The following WDR20 variants were observed in gnomAD, a reference collection of about 807,000 sequenced individuals.
The protein encoded by WDR20 is WD repeat-containing protein 20.
In WDR20, 3 loss-of-function variants were observed where a neutral mutation model predicts 38.7. The observed-to-expected ratio is 0.08, with a 90% confidence interval of 0.04 to 0.20. The LOEUF (loss-of-function observed/expected upper bound fraction) is 0.20, where lower values mean the gene tolerates loss of function less well. WDR20 is among the 10% of genes least tolerant of loss of function. The pLI is 1.00. For synonymous variants in WDR20, 298 were observed against 285.6 expected (o/e 1.04, Z -0.44); for missense variants, 559 against 727.7 (o/e 0.77, Z 2.67).
At chr14:102,178,091 T>G (rs2062553419) in intron 1 of WDR20, among the ~76,000 whole-genome samples, 1 of 152,192 alleles carries the variant, frequency 6.6e-6, no homozygotes, top group Non-Finnish European at 1.5e-5. Flanking sequence ...TCTGTATATA[T>G]GGGGTTGAAT....
At position 102,209,675 on chromosome 14, in the gene WDR20, A is replaced by G. The variant is rs1409667892; in HGVS notation, c.1505A>G (p.Lys502Arg). ...SDKLNLVTKT[K>R]TDPAKTLGTP... ...AAACTGAATCTAGTTACCAAAACCA[A>G]AACGGACCCTGCTAAAACTCTGGGA... The change falls in exon 3 of 3, where the codon AAA (lysine) becomes AGA (arginine). Residue 502 changes from lysine (K) to arginine (R), a missense_variant. Coordinates refer to ENST00000342702, the MANE Select transcript of WDR20 (RefSeq NM_144574.4). This position sits in a 1 kb window ranked among gnomAD's most constrained non-coding sequence, Gnocchi z 6.0. 6.2e-7 allele frequency: 1 copy of G among 1,614,146 alleles called. No individual in the cohort carries two copies. Among genetic ancestry groups the G allele is most frequent in the South Asian group, 1.1e-5 (1 of 91,072 alleles).
chr14:102,157,764 G>A (rs2057755674), intron 1 of WDR20, among the ~76,000 whole-genome samples: 1 of 152,166 alleles, frequency 6.6e-6, no homozygotes, highest in Admixed American at 6.5e-5. Context: ...CCTTCTGGGA[G>A]TGTGAGCTGC....
intron 1 of WDR20, among the ~76,000 whole-genome samples, chr14:102,141,099 T>A (rs943042300): frequency 1.3e-5 from 2 of 152,254 alleles, no homozygotes; most frequent in African/African-American, 4.8e-5. Flanking sequence ...TTTTCTTTCA[T>A]TGGCTATGTA....
downstream of WDR20, among the ~76,000 whole-genome samples, chr14:102,210,743 G>A (rs1231415738): frequency 6.6e-6 from 1 of 151,652 alleles, no homozygotes; most frequent in Admixed American, 6.6e-5. Flanking sequence ...CGGGGGCGGG[G>A]AGGTGCGGTG....
At position 102,142,610 on chromosome 14, in the gene WDR20, T is replaced by C. The variant is rs567234151; in HGVS notation, c.249+2438T>C. On this transcript the variant is annotated intron_variant, in intron 1 of 2. Transcript: ENST00000342702. The stretch of plus-strand genomic sequence containing the variant: ...CTGGAACTACAGGTGTGCACCACCC[T>C]GGCTAATTAAAAAAAAAAATGTTTT... Among the ~76,000 whole-genome samples, 15 of 151,696 alleles carry C rather than the reference T, an allele frequency of 9.9e-5. 1 individual carries two copies. Among genetic ancestry groups the C allele is most frequent in the Non-Finnish European group, 2.1e-4 (14 of 67,918 alleles).
intron 2 of WDR20, among the ~76,000 whole-genome samples, chr14:102,203,414 C>T (rs2060875535): frequency 6.6e-6 from 1 of 152,026 alleles, no homozygotes; most frequent in South Asian, 2.1e-4. Flanking sequence ...TGTGTGTTTA[C>T]ACTGACAGCA....
intron 2 of WDR20, among the ~76,000 whole-genome samples, chr14:102,203,793 A>G (rs1308102843): frequency 1.3e-5 from 2 of 152,110 alleles, no homozygotes; most frequent in Non-Finnish European, 2.9e-5. Context: ...AGGGAATTCC[A>G]TTACTTATCA....
chr14:102,186,520 T>A (rs1370721551), intron 1 of WDR20, among the ~76,000 whole-genome samples: 2 of 152,128 alleles, frequency 1.3e-5, no homozygotes, highest in African/African-American at 2.4e-5. Flanking sequence ...TCTCTTTTCA[T>A]CTTCAGTGCC....
intron 1 of WDR20, among the ~76,000 whole-genome samples, chr14:102,168,664 A>G (rs1239837750): frequency 6.6e-6 from 1 of 152,192 alleles, no homozygotes; most frequent in Non-Finnish European, 1.5e-5. Context: ...TTAAAAAATG[A>G]GCCCATTAGA....
At chr14:102,202,966 C>T (rs2060781689) in intron 2 of WDR20, among the ~76,000 whole-genome samples, 1 of 152,198 alleles carries the variant, frequency 6.6e-6, no homozygotes, top group Non-Finnish European at 1.5e-5. Context: ...GGTCTTTACA[C>T]ACCCCCGCTT....
In WDR20 at chr14:102,195,053, T is replaced by A; in HGVS notation, c.365T>A (p.Phe122Tyr). Residue 122 changes from phenylalanine to tyrosine, a missense_variant, in exon 2 of 3, where the codon TTT (phenylalanine) becomes TAT (tyrosine). Physicochemically the swap from Phe to Tyr is conservative, Grantham distance 22 (BLOSUM62 3). Transcript: ENST00000342702. ...GAAAGTGTCTCTCTCCTAGTGGGCT[T>A]TTCCGCAGGCCAAGTCCAGCTTATA... ...TAESVSLLVG[F>Y]SAGQVQLIDP... The A allele has an allele frequency of 1.2e-6, 2 of 1,614,214 alleles. No individual in the cohort carries two copies. Among genetic ancestry groups the A allele is most frequent in the South Asian group, 2.2e-5 (2 of 91,080 alleles).
chr14:102,181,666 CT>C (rs2063408804), intron 1 of WDR20, among the ~76,000 whole-genome samples: 1 of 151,952 alleles, frequency 6.6e-6, no homozygotes, highest in Non-Finnish European at 1.5e-5. Context: ...TTGGGAATAG[CT>C]TTATATTTAA....
In WDR20 at chr14:102,208,190, C is replaced by G. The variant is rs1596998885; in HGVS notation, c.433-413C>G. ...GAGCCCTCCTGGCTGTGAGGACTCA[C>G]AGGCTTCACCTGCAGGTCCTCGTAG... On this transcript the variant is annotated intron_variant, in intron 2 of 2. Coordinates refer to ENST00000342702, the MANE Select transcript of WDR20 (RefSeq NM_144574.4). The surrounding 1 kb of genome is among the most constrained non-coding windows in gnomAD (Gnocchi z 5.6). 5.9e-5 allele frequency among the ~76,000 whole-genome samples: 9 copies of G among 152,362 alleles called. No homozygotes were observed. The South Asian group carries it at 1.9e-3, about 32-fold the overall frequency.
At chr14:102,190,464 G>C (rs1316360055) in intron 1 of WDR20, among the ~76,000 whole-genome samples, 1 of 149,350 alleles carries the variant, frequency 6.7e-6, no homozygotes, top group African/African-American at 2.5e-5. Flanking sequence ...GTGGTGGCAG[G>C]CGCCTTTAAT....
rs529425854 is a variant in WDR20, at chr14:102,188,949, T to C, written c.250-5989T>C. Among the ~76,000 whole-genome samples, 8 of 150,102 alleles carry C rather than the reference T, an allele frequency of 5.3e-5. No homozygotes were observed. The South Asian group carries it at 1.7e-3, about 32-fold the overall frequency. On this transcript the variant is annotated intron_variant, in intron 1 of 2. Coordinates refer to ENST00000342702, the MANE Select transcript of WDR20 (RefSeq NM_144574.4). ...AAGGAAGGCCAGGTATGATGGCTCATGCCTGTAATCCCACCACTTTGGGAG... is the reference window on the plus strand; with the variant it reads ...AAGGAAGGCCAGGTATGATGGCTCACGCCTGTAATCCCACCACTTTGGGAG...
intron 1 of WDR20, among the ~76,000 whole-genome samples, chr14:102,193,113 T>C (rs1275074296): frequency 6.6e-6 from 1 of 152,058 alleles, no homozygotes; most frequent in Non-Finnish European, 1.5e-5. Context: ...TATCTTATTT[T>C]ATATTTGTAG....
At chr14:102,195,558 A>G (rs2059273229) in intron 2 of WDR20, among the ~76,000 whole-genome samples, 1 of 152,254 alleles carries the variant, frequency 6.6e-6, no homozygotes, top group African/African-American at 2.4e-5. Flanking sequence ...CATTTGGCTA[A>G]GGAGTACTTC....
At chr14:102,160,837 A>G (rs991103260) in intron 1 of WDR20, among the ~76,000 whole-genome samples, 1 of 148,908 alleles carries the variant, frequency 6.7e-6, no homozygotes, top group Admixed American at 6.8e-5. Flanking sequence ...ATTCCCAGCT[A>G]CTTGGGAGGC....
chr14:102,140,105 A>G lies in WDR20; in HGVS notation c.182A>G (p.Asn61Ser). The G allele has an allele frequency of 1.2e-6, 2 of 1,614,044 alleles. No individual in the cohort carries two copies. Among genetic ancestry groups the G allele is most frequent in the East Asian group, 2.2e-5 (1 of 44,884 alleles). The change falls in exon 1 of 3, where the codon AAC (asparagine) becomes AGC (serine). Residue 61 changes from asparagine (N) to serine (S), a missense_variant. By Grantham distance (46) the Asn-to-Ser change is conservative (BLOSUM62 1). Coordinates refer to ENST00000342702, the MANE Select transcript of WDR20 (RefSeq NM_144574.4). Reference protein sequence around the residue: ...SFVNLNDQSGNGDRLCFNVGR... With the variant: ...SFVNLNDQSGSGDRLCFNVGR... ...GTAAACCTCAACGACCAGTCTGGCA[A>G]CGGCGACCGCCTCTGCTTCAATGTG...
Sources: gnomAD v4.1 joint callset for allele counts (sites outside exome capture counted in the v4.1 genomes callset) on GRCh38, gnomAD v4.1.1 for gene constraint, Gnocchi (gnomAD v3.1) non-coding constraint, MANE v1.5 for transcripts, NCBI Gene and HGNC (gene_info 2026-07-23, HGNC 2026-07-21) for gene names.